The following ARHGEF3 variants were observed in gnomAD, a reference collection of about 807,000 sequenced individuals.
ARHGEF3 encodes the protein Rho guanine nucleotide exchange factor 3.
ARHGEF3 carries 28 observed loss-of-function variants against 63.2 expected under a neutral mutation model. The observed-to-expected ratio is 0.44, with a 90% CI of 0.33 to 0.61. ARHGEF3 has a LOEUF of 0.61. ARHGEF3 is among the 20% of genes least tolerant of loss of function. ARHGEF3 has a pLI of 0.03. For missense variants in ARHGEF3, 533 were observed against 659.3 expected, an observed-to-expected ratio of 0.81 and a Z score of 2.10; for synonymous variants, 266 against 254.2, an observed-to-expected ratio of 1.05 and a Z score of -0.44.
chr3:56,730,600 C>T (rs993508150), intron 9 of ARHGEF3, among the ~76,000 whole-genome samples: 40 of 152,100 alleles, frequency 2.6e-4, no homozygotes, highest in East Asian at 7.7e-4. Flanking sequence ...AGGCTGGTCT[C>T]GAACTCCTGA....
intron 4 of ARHGEF3, among the ~76,000 whole-genome samples, chr3:56,822,269 C>A (rs773959549): frequency 4.6e-5 from 7 of 152,174 alleles, no homozygotes; most frequent in Non-Finnish European, 8.8e-5. Context: ...GATCGCACAG[C>A]TAGGAAGTGG....
In ARHGEF3 at chr3:56,818,455, C is replaced by T. The variant is rs2038348833; in HGVS notation, c.193-44639G>A. The stretch of plus-strand genomic sequence containing the variant: ...TAATGGGAAAGGAAGCTAAATTCCT[C>T]CTCTTGAAATGACTAGTATTGCATA... On this transcript the variant is annotated intron_variant, in intron 4 of 12. Transcript: ENST00000338458. Among the ~76,000 whole-genome samples the T allele has an allele frequency of 1.3e-5, 2 of 152,132 alleles. 1 individual carries two copies. The highest frequency in any genetic ancestry group is 4.1e-4 in the South Asian group (2 of 4,826).
intron 4 of ARHGEF3, among the ~76,000 whole-genome samples, chr3:56,828,313 A>C (rs7652638): frequency 0.53 from 79,828 of 151,882 alleles, 21,447 homozygotes; most frequent in Non-Finnish European, 0.56. Context: ...AGGTGGGTGG[A>C]TCATGAGGTC....
chr3:56,818,364 T>C (rs746988368), intron 4 of ARHGEF3, among the ~76,000 whole-genome samples: 11 of 152,238 alleles, frequency 7.2e-5, no homozygotes, highest in Non-Finnish European at 1.5e-4. Context: ...GCACAGCGAC[T>C]ACAGTGTACA....
intron 1 of ARHGEF3, among the ~76,000 whole-genome samples, chr3:56,777,654 C>G (rs1045103269): frequency 6.6e-6 from 1 of 152,124 alleles, no homozygotes; most frequent in Non-Finnish European, 1.5e-5. Context: ...GACTGGCATA[C>G]AGGAACTCCC....
intron 2 of ARHGEF3, among the ~76,000 whole-genome samples, chr3:56,763,383 G>A (rs1363274097): frequency 2.6e-5 from 4 of 152,114 alleles, no homozygotes; most frequent in Admixed American, 6.5e-5. Context: ...GAACTACCTG[G>A]GCCAAATGGC....
At chr3:56,784,109 GCT>G (rs1403204979) in intron 1 of ARHGEF3, among the ~76,000 whole-genome samples, 1 of 152,162 alleles carries the variant, frequency 6.6e-6, no homozygotes, top group Non-Finnish European at 1.5e-5. Flanking sequence ...CAAATATTTA[GCT>G]CTCTCTGCGG....
Position 57,022,996 on chromosome 3 carries a change from G to GCTCT in ARHGEF3, c.62+12088_62+12091dup, listed in dbSNP as rs566726360. 2.1e-3 allele frequency among the ~76,000 whole-genome samples: 322 copies of GCTCT among 152,230 alleles called. 6 individuals carry two copies. Among genetic ancestry groups the GCTCT allele is most frequent in the Admixed American group, 0.019 (288 of 15,296 alleles). ...TGTTGAATGTTATTCTCTCAAAAAA[G>GCTCT]CTCTCCCTGTGTCTCTATGTAAAAC... On this transcript the variant is annotated intron_variant, in intron 2 of 12. Coordinates refer to the ARHGEF3 transcript ENST00000338458.
chr3:56,801,916 C>T lies in ARHGEF3; in HGVS notation c.-118G>A. 1.9e-6 allele frequency: 3 copies of T among 1,541,422 alleles called. No individual in the cohort carries two copies. The African/African-American group carries it at 4.1e-5, about 21-fold the overall frequency. On this transcript the variant is annotated 5_prime_UTR_variant, in exon 1 of 10. Coordinates refer to ENST00000296315, the MANE Select transcript of ARHGEF3 (RefSeq NM_019555.3). ...CGGGCGGCGGCGGCGACACGGAGACCGACAGCCGGCTTCTAGCCGGGCAGG... is the reference window on the plus strand; with the variant it reads ...CGGGCGGCGGCGGCGACACGGAGACTGACAGCCGGCTTCTAGCCGGGCAGG...
At chr3:56,947,985 C>T (rs1233961795) in intron 3 of ARHGEF3, among the ~76,000 whole-genome samples, 3 of 152,098 alleles carry the variant, frequency 2.0e-5, no homozygotes, top group Non-Finnish European at 2.9e-5. Flanking sequence ...CACTCAAAAC[C>T]GCTCAACTAC....
At chr3:56,945,129 G>A (rs1000241801) in intron 3 of ARHGEF3, among the ~76,000 whole-genome samples, 1 of 152,088 alleles carries the variant, frequency 6.6e-6, no homozygotes, top group Admixed American at 6.5e-5. Flanking sequence ...TTAAGAAATT[G>A]CCAGGGGTGG....
intron 4 of ARHGEF3, among the ~76,000 whole-genome samples, chr3:56,875,015 A>G (rs1233449030): frequency 6.6e-6 from 1 of 152,208 alleles, no homozygotes; most frequent in Non-Finnish European, 1.5e-5. Flanking sequence ...TTACTAATAT[A>G]ATAACTATAA....
chr3:57,063,475 G>C (rs1386830975), intron 1 of ARHGEF3, among the ~76,000 whole-genome samples: 1 of 152,176 alleles, frequency 6.6e-6, no homozygotes, highest in Non-Finnish European at 1.5e-5. Flanking sequence ...GACCTGGAGG[G>C]TGGTAGGAGC....
In ARHGEF3 at chr3:56,890,458, G is replaced by A. The variant is rs79996354; in HGVS notation, c.130-8104C>T. Among the ~76,000 whole-genome samples the A allele has an allele frequency of 6.4e-3, 982 of 152,264 alleles. 7 individuals are homozygous for A. The highest frequency in any genetic ancestry group is 0.023 in the African/African-American group (936 of 41,524). ...AAAATGTAATTATTATTGCTACTGC[G>A]GTTATTACCGTAATTACTATTACTA... On this transcript the variant is annotated intron_variant, in intron 3 of 12. Transcript: ENST00000338458.
chr3:56,883,302 C>CT (rs112313795), intron 3 of ARHGEF3, among the ~76,000 whole-genome samples: 1,465 of 140,990 alleles, frequency 0.01, 19 homozygotes, highest in South Asian at 0.029. Flanking sequence ...GTATGTTTTT[C>CT]TTTTTTTTTT....
At chr3:56,876,564 G>GT (rs920058570) in intron 4 of ARHGEF3, among the ~76,000 whole-genome samples, 9 of 150,992 alleles carry the variant, frequency 6.0e-5, no homozygotes, top group Non-Finnish European at 1.2e-4. Flanking sequence ...AAGAGTGGTT[G>GT]TAACAACAAC....
intron 3 of ARHGEF3, among the ~76,000 whole-genome samples, chr3:56,885,373 G>A (rs747313469): frequency 6.6e-6 from 1 of 152,144 alleles, no homozygotes; most frequent in Non-Finnish European, 1.5e-5. Flanking sequence ...CACATAGTAG[G>A]TGCACAGTAA....
chr3:56,774,317 T>A (rs2036173233), intron 1 of ARHGEF3, among the ~76,000 whole-genome samples: 1 of 152,024 alleles, frequency 6.6e-6, no homozygotes, highest in Non-Finnish European at 1.5e-5. Flanking sequence ...AAAAAAAATT[T>A]AAAAAAGAAG....
intron 3 of ARHGEF3, among the ~76,000 whole-genome samples, chr3:56,946,318 T>C (rs1699495474): frequency 6.6e-6 from 1 of 151,836 alleles, no homozygotes; most frequent in Non-Finnish European, 1.5e-5. Context: ...CTTCAGAAGA[T>C]CAAACTACTC....
Sources: gnomAD v4.1 joint callset for allele counts (sites outside exome capture counted in the v4.1 genomes callset) on GRCh38, gnomAD v4.1.1 for gene constraint, MANE v1.5 for transcripts, NCBI Gene and HGNC (gene_info 2026-07-23, HGNC 2026-07-21) for gene names.